The following PCDHA6 variants were observed in gnomAD, a reference collection of about 807,000 sequenced individuals.
The protein encoded by PCDHA6 is protocadherin alpha 6.
Under a neutral mutation model 60.3 loss-of-function variants are expected in PCDHA6, and 55 were observed. The observed-to-expected ratio is 0.91, with a 90% CI of 0.73 to 1.14. PCDHA6 has a LOEUF of 1.14. PCDHA6 is among the 50% of genes most tolerant of loss of function. The probability of loss-of-function intolerance (pLI) is 0.00; values close to 1 mark genes in which losing one functional copy is unlikely to be tolerated. For synonymous variants in PCDHA6, 652 were observed against 557.9 expected (o/e 1.17, Z -2.38); for missense variants, 1,327 against 1,256.5 (o/e 1.06, Z -0.85).
intron 1 of PCDHA6, among the ~76,000 whole-genome samples, chr5:140,855,676 T>G (rs1325964352): frequency 1.3e-5 from 2 of 149,550 alleles, no homozygotes; most frequent in Non-Finnish European, 3.0e-5. Context: ...ACTCTGAGAG[T>G]CTACATTTAA....
chr5:140,927,445 T>C (rs2084204838), intron 1 of PCDHA6: 1 of 1,613,580 alleles, frequency 6.2e-7, no homozygotes, highest in Non-Finnish European at 8.5e-7. Context: ...ATACCCGGAG[T>C]TGGTGTTGGA....
At chr5:140,928,817 G>A (rs868908592) in intron 1 of PCDHA6, 1 of 1,614,118 alleles carries the variant, frequency 6.2e-7, no homozygotes, top group Non-Finnish European at 8.5e-7. Flanking sequence ...CGGGACCATG[G>A]AGACCCACCA....
intron 1 of PCDHA6, chr5:140,871,426 C>T (rs1554165586): frequency 1.2e-6 from 2 of 1,613,320 alleles, no homozygotes; most frequent in Non-Finnish European, 8.5e-7. Context: ...CAGCCCCAGT[C>T]TTCCTCTAGG....
At chr5:140,877,578 C>A (rs782777600) in intron 1 of PCDHA6, 6 of 1,613,700 alleles carry the variant, frequency 3.7e-6, no homozygotes, top group East Asian at 2.2e-5. Flanking sequence ...ACCTCATCAT[C>A]GCCATCTGTG....
intron 3 of PCDHA6, among the ~76,000 whole-genome samples, chr5:141,009,295 A>AT (rs1258767808): frequency 6.6e-6 from 1 of 152,030 alleles, no homozygotes; most frequent in African/African-American, 2.4e-5. Flanking sequence ...TTTCTATAAA[A>AT]TTTTTTTTAA....
intron 1 of PCDHA6, among the ~76,000 whole-genome samples, chr5:140,924,441 G>A (rs144532137): frequency 1.3e-5 from 2 of 152,274 alleles, no homozygotes; most frequent in African/African-American, 4.8e-5. Context: ...AAGAGATAAC[G>A]AATGGGTTTG....
chr5:140,836,412 A>C, intron 1 of PCDHA6: 2 of 1,613,792 alleles, frequency 1.2e-6, no homozygotes, highest in Non-Finnish European at 8.5e-7. Context: ...CCAGGCACCA[A>C]AGGCGTCGTC....
chr5:140,849,912 C>T (rs1318290193), intron 1 of PCDHA6: 4 of 1,598,150 alleles, frequency 2.5e-6, no homozygotes, highest in Admixed American at 1.7e-5. Context: ...GCCGGGCTGC[C>T]ACATCTTCAC....
intron 1 of PCDHA6, among the ~76,000 whole-genome samples, chr5:140,900,374 T>TCAAGAA (rs1554189115): frequency 1.3e-5 from 2 of 151,622 alleles, no homozygotes; most frequent in Non-Finnish European, 2.9e-5. Flanking sequence ...GCCTCCTGGG[T>TCAAGAA]TCAAGCGATT....
chr5:140,999,712 C>T (rs1411166924), intron 3 of PCDHA6, among the ~76,000 whole-genome samples: 9 of 152,204 alleles, frequency 5.9e-5, no homozygotes, highest in African/African-American at 9.6e-5. Flanking sequence ...TAGCTAACTA[C>T]GGAGACCAGC....
chr5:140,967,757 T>C, intron 1 of PCDHA6: 1 of 1,614,216 alleles, frequency 6.2e-7, no homozygotes, highest in Non-Finnish European at 8.5e-7. Flanking sequence ...AGCCTCCTCC[T>C]ACCAGATCTA....
intron 1 of PCDHA6, chr5:140,851,797 G>A (rs1349130494): frequency 3.1e-6 from 3 of 953,270 alleles, no homozygotes; most frequent in Non-Finnish European, 2.5e-6. Flanking sequence ...CACTTGTTCT[G>A]TCAGTAATCC....
At chr5:140,982,665 A>T in intron 3 of PCDHA6, 102 bp downstream of exon 3, 1 of 1,465,322 alleles carries the variant, frequency 6.8e-7, no homozygotes, top group Non-Finnish European at 9.0e-7. Context: ...TTTCTTTTAT[A>T]TTTTTGTTAT....
intron 1 of PCDHA6, among the ~76,000 whole-genome samples, chr5:140,938,121 A>T (rs981387543): frequency 2.0e-5 from 3 of 151,892 alleles, no homozygotes; most frequent in Admixed American, 6.6e-5. Context: ...CTCTTTTTTT[A>T]AAAAAATAGA....
intron 1 of PCDHA6, chr5:140,882,678 A>G: frequency 6.2e-7 from 1 of 1,614,250 alleles, no homozygotes; most frequent in East Asian, 2.2e-5. Flanking sequence ...CCTGAAAGCA[A>G]GAAACGAATA....
intron 2 of PCDHA6, among the ~76,000 whole-genome samples, chr5:140,981,575 A>G (rs2096938835): frequency 1.3e-5 from 2 of 152,152 alleles, no homozygotes; most frequent in African/African-American, 4.8e-5. Flanking sequence ...CTTTGTCTCA[A>G]AAATAAATAA....
At chr5:140,843,128 T>G (rs2150353491) in intron 1 of PCDHA6, 1 of 1,595,926 alleles carries the variant, frequency 6.3e-7, no homozygotes, top group Admixed American at 1.7e-5. Flanking sequence ...CGACTCGGGC[T>G]ACAACGCGTG....
intron 3 of PCDHA6, among the ~76,000 whole-genome samples, chr5:140,998,480 G>A (rs782244125): frequency 6.6e-6 from 1 of 151,974 alleles, no homozygotes; most frequent in Non-Finnish European, 1.5e-5. Context: ...CCACTGTGCT[G>A]TAACTCTTTG....
At chr5:141,006,073 T>G (rs2098254106) in intron 3 of PCDHA6, among the ~76,000 whole-genome samples, 1 of 151,712 alleles carries the variant, frequency 6.6e-6, no homozygotes, top group Non-Finnish European at 1.5e-5. Context: ...AAAAATCAGA[T>G]TATTGAAGGG....
Sources: allele counts gnomAD v4.1 joint callset (sites outside exome capture counted in the v4.1 genomes callset), GRCh38; gene constraint gnomAD v4.1.1; transcripts MANE v1.5; gene names NCBI Gene and HGNC (gene_info 2026-07-23, HGNC 2026-07-21).